The following PIEZO2 variants were observed in gnomAD, a reference collection of about 807,000 sequenced individuals.
PIEZO2 encodes the protein piezo type mechanosensitive ion channel component 2, also known as piezo-type mechanosensitive ion channel component 2.
In PIEZO2, 172 loss-of-function variants were observed where a neutral mutation model predicts 337.3. The observed-to-expected ratio is 0.51, with a 90% CI of 0.45 to 0.58. The LOEUF (loss-of-function observed/expected upper bound fraction) is 0.58. Among genes scored for constraint, PIEZO2 ranks in the 20% least tolerant of loss-of-function variants. PIEZO2 has a pLI of 0.00. For synonymous variants in PIEZO2, 1,251 were observed against 1,228.5 expected (o/e 1.02, Z -0.38); for missense variants, 3,028 against 3,391.3 (o/e 0.89, Z 2.66).
At chr18:10,809,560 A>G (rs1435796833) in intron 7 of PIEZO2, among the ~76,000 whole-genome samples, 5 of 138,938 alleles carry the variant, frequency 3.6e-5, no homozygotes, top group Admixed American at 3.0e-4. Flanking sequence ...GAGCCACCGC[A>G]CCTGGCATCT....
chr18:10,768,488 G>A (rs1423093979), intron 21 of PIEZO2, among the ~76,000 whole-genome samples: 3 of 152,218 alleles, frequency 2.0e-5, no homozygotes, highest in Non-Finnish European at 4.4e-5. Flanking sequence ...CCCCATGCAG[G>A]TGGGGTGACA....
At position 10,675,164 on chromosome 18, in the gene PIEZO2, A is replaced by G. The variant is rs1225229217; in HGVS notation, c.8161+45T>C. 3.0e-6 allele frequency: 4 copies of G among 1,335,352 alleles called. No homozygotes were observed. In the African/African-American group the frequency reaches 4.5e-5, roughly 15 times the overall value. 82.7% of individuals were successfully genotyped at this position (1,335,352 alleles called of 1,614,324 possible). A position where few individuals can be genotyped will look rare whatever the true frequency, so the allele number is the denominator to read the frequency against. On this transcript the variant is annotated intron_variant, in intron 54 of 55. Transcript: ENST00000674853. ...GCACAAACTGTTGAAATTGAATAAAACTAGGATTGAAAACAATTCTGAAAC... is the reference window on the plus strand; with the variant it reads ...GCACAAACTGTTGAAATTGAATAAAGCTAGGATTGAAAACAATTCTGAAAC...
Position 10,677,441 on chromosome 18 carries a change from C to T in PIEZO2, c.8081+306G>A, listed in dbSNP as rs1177950668. On this transcript the variant is annotated intron_variant, in intron 53 of 55. Coordinates refer to ENST00000674853, the MANE Select transcript of PIEZO2 (RefSeq NM_001378183.1). The surrounding 1 kb of genome is among the most constrained non-coding windows in gnomAD (Gnocchi z 4.1). ...CCATGTTGGTCAGGCTGGTCTTGAA[C>T]TCCCGACCTCAGGGGATCCACCTGT... is the stretch of plus-strand genomic sequence containing the variant. 1.8e-5 allele frequency: 5 copies of T among 271,748 alleles called. No individual in the cohort carries two copies. The highest frequency in any genetic ancestry group is 1.2e-4 in the East Asian group (1 of 8,286). The allele number at this position is 271,748 out of a possible 1,614,324, so 16.8% of individuals were successfully genotyped here.
intron 3 of PIEZO2, among the ~76,000 whole-genome samples, chr18:10,928,566 C>G (rs530902497): frequency 3.8e-4 from 58 of 152,276 alleles, no homozygotes; most frequent in Admixed American, 1.9e-3. Context: ...AAAATAAACA[C>G]AAAAGTTTTG....
chr18:10,734,264 C>T (rs1054519182), intron 35 of PIEZO2, among the ~76,000 whole-genome samples: 2 of 152,122 alleles, frequency 1.3e-5, no homozygotes, highest in Non-Finnish European at 2.9e-5. Context: ...GTAAATACTA[C>T]ACTAAAAAAC....
chr18:10,958,297 A>G (rs916822384), intron 3 of PIEZO2, among the ~76,000 whole-genome samples: 5 of 152,214 alleles, frequency 3.3e-5, no homozygotes, highest in African/African-American at 1.2e-4. Context: ...CATCTAAAAA[A>G]GTCCATCTCA....
At chr18:10,675,103 A>C in intron 54 of PIEZO2, 106 bp downstream of exon 54, 4 of 700,206 alleles carry the variant, frequency 5.7e-6, no homozygotes, top group Non-Finnish European at 9.6e-6. Context: ...TCACACAGGG[A>C]GAGATAACTA....
At chr18:10,675,640 C>T (rs1333997777) in intron 53 of PIEZO2, among the ~76,000 whole-genome samples, 1 of 152,174 alleles carries the variant, frequency 6.6e-6, no homozygotes, top group Non-Finnish European at 1.5e-5. Context: ...ATTAAGCACG[C>T]TTCAAATTTT....
chr18:10,734,919 G>A (rs1452610299), intron 35 of PIEZO2, among the ~76,000 whole-genome samples: 3 of 152,142 alleles, frequency 2.0e-5, no homozygotes, highest in Non-Finnish European at 4.4e-5. Context: ...AACCAGATGT[G>A]ACCCTTTTAA....
chr18:10,978,245 A>T (rs1002429163), intron 3 of PIEZO2, among the ~76,000 whole-genome samples: 1 of 152,116 alleles, frequency 6.6e-6, no homozygotes, highest in Non-Finnish European at 1.5e-5. Flanking sequence ...CTGAGGCAGG[A>T]GAATGGTGTG....
chr18:10,988,653 A>G lies in PIEZO2; in HGVS notation c.161-8993T>C, dbSNP rs75494141. Among the ~76,000 whole-genome samples, 5,075 of 152,316 alleles carry G rather than the reference A, an allele frequency of 0.033. 147 individuals are homozygous for G. Among genetic ancestry groups the G allele is most frequent in the African/African-American group, 0.072 (3,007 of 41,556 alleles). Reference sequence around the variant, plus strand: ...ACCCATGTTTACTACAGCATTATGCAAAACAACCAAGATATGGAAACATCC... The same window carrying G: ...ACCCATGTTTACTACAGCATTATGCGAAACAACCAAGATATGGAAACATCC... On this transcript the variant is annotated intron_variant, in intron 2 of 55. Coordinates refer to ENST00000674853, the MANE Select transcript of PIEZO2 (RefSeq NM_001378183.1). This position sits in a 1 kb window ranked among gnomAD's most constrained non-coding sequence, Gnocchi z 4.8.
intron 7 of PIEZO2, among the ~76,000 whole-genome samples, chr18:10,842,721 A>G (rs1366216228): frequency 6.6e-6 from 1 of 152,242 alleles, no homozygotes; most frequent in East Asian, 1.9e-4. Context: ...CTAAGACATT[A>G]TGTTGATTGT....
intron 2 of PIEZO2, among the ~76,000 whole-genome samples, chr18:10,987,201 A>G (rs1307368176): frequency 2.0e-5 from 3 of 152,102 alleles, no homozygotes; most frequent in African/African-American, 7.2e-5. Context: ...AGAAATAGAA[A>G]AAATTATCTT....
At chr18:10,873,808 A>C (rs2042198316) in intron 4 of PIEZO2, among the ~76,000 whole-genome samples, 1 of 152,190 alleles carries the variant, frequency 6.6e-6, no homozygotes, top group Non-Finnish European at 1.5e-5. Flanking sequence ...TACTAGAAGA[A>C]AACATGAAAA....
intron 1 of PIEZO2, among the ~76,000 whole-genome samples, chr18:11,119,582 C>T (rs182077190): frequency 1.1e-3 from 175 of 152,238 alleles, no homozygotes; most frequent in Non-Finnish European, 1.9e-3. Flanking sequence ...GCTCTATGAG[C>T]TATATTAACA....
rs1469323677 is a variant in PIEZO2 at position 10,797,519 on chromosome 18, T to C, written c.1382A>G (p.Lys461Arg). The change falls in exon 12 of 56, where the codon AAG becomes AGG. Residue 461 changes from lysine to arginine, a missense_variant. Lys to Arg is a conservative substitution (Grantham distance 26). Around this residue, in one of 5 missense-constraint regions of PIEZO2, gnomAD observed 542 missense variants for 605.6 expected, o/e 0.89. Coordinates refer to ENST00000674853, the MANE Select transcript of PIEZO2 (RefSeq NM_001378183.1). ...RWEPSDESSE[K>R]REEEEEEKEE... Reference sequence around the variant, plus strand: ...TTTCTCTTCCTCTTCCTCCTCTCGCTTTTCTAGATGGACGAATACTTTATT... The same window carrying C: ...TTTCTCTTCCTCTTCCTCCTCTCGCCTTTCTAGATGGACGAATACTTTATT... 6 of 1,536,544 alleles carry C rather than the reference T, an allele frequency of 3.9e-6. No homozygotes were observed. Among genetic ancestry groups the C allele is most frequent in the Non-Finnish European group, 5.2e-6 (6 of 1,146,742 alleles).
intron 4 of PIEZO2, among the ~76,000 whole-genome samples, chr18:10,905,914 C>G (rs1568184968): frequency 6.6e-6 from 1 of 152,122 alleles, no homozygotes; most frequent in Non-Finnish European, 1.5e-5. Context: ...CTTACATGTT[C>G]AAGAATGTGA....
chr18:10,818,142 A>T (rs1004207373), intron 7 of PIEZO2, among the ~76,000 whole-genome samples: 12 of 152,216 alleles, frequency 7.9e-5, no homozygotes, highest in Non-Finnish European at 1.5e-4. Flanking sequence ...ATCACAATTT[A>T]TACCCTTAAA....
intron 2 of PIEZO2, among the ~76,000 whole-genome samples, chr18:11,005,916 T>C (rs908280948): frequency 6.6e-6 from 1 of 152,264 alleles, no homozygotes; most frequent in Non-Finnish European, 1.5e-5. Flanking sequence ...AGGCTGAGAT[T>C]ATCCTCCACT....
Sources: allele counts gnomAD v4.1 joint callset (sites outside exome capture counted in the v4.1 genomes callset), GRCh38; gene constraint gnomAD v4.1.1; regional missense constraint gnomAD v4.1.1; non-coding constraint Gnocchi (gnomAD v3.1); transcripts MANE v1.5; gene names NCBI Gene and HGNC (gene_info 2026-07-23, HGNC 2026-07-21).